DEPDC5: variants seen among roughly 807,000 people sequenced by gnomAD.
The protein encoded by DEPDC5 is DEP domain containing 5, GATOR1 subcomplex subunit, also known as GATOR1 complex protein DEPDC5.
DEPDC5 carries 73 observed loss-of-function variants against 217.3 expected under a neutral mutation model. The ratio of observed to expected loss-of-function variants is 0.34; its 90% CI spans 0.28 to 0.41. DEPDC5 has a LOEUF of 0.41. Among genes scored for constraint, DEPDC5 ranks in the 10% least tolerant of loss-of-function variants. The pLI is 1.00. For missense variants in DEPDC5, 1,675 were observed against 2,070.1 expected (o/e 0.81, Z 3.70); for synonymous variants, 733 against 756.7 (o/e 0.97, Z 0.51).
At chr22:31,901,868 A>C (rs540864458) in intron 41 of DEPDC5, 66 bp downstream of exon 41, 1 of 1,480,658 alleles carries the variant, frequency 6.8e-7, no homozygotes, top group Non-Finnish European at 9.3e-7. Context: ...AGCAGTTACC[A>C]AAGTGAAACT....
chr22:31,848,543 G>C (rs1166874832), intron 31 of DEPDC5, among the ~76,000 whole-genome samples: 1 of 152,140 alleles, frequency 6.6e-6, no homozygotes, highest in Non-Finnish European at 1.5e-5. Context: ...GCCATGGCTG[G>C]AGTGGTTGGG....
At chr22:31,898,479 C>T (rs931435946) in intron 40 of DEPDC5, among the ~76,000 whole-genome samples, 2 of 152,140 alleles carry the variant, frequency 1.3e-5, no homozygotes, top group Non-Finnish European at 2.9e-5. Flanking sequence ...GATGCTGATA[C>T]GTCAGGAGCC....
chr22:31,772,272 A>G (rs9609364), intron 7 of DEPDC5, among the ~76,000 whole-genome samples: 5,534 of 152,208 alleles, frequency 0.036, 115 homozygotes, highest in Non-Finnish European at 0.059. Context: ...GTTCTTTAAA[A>G]CATCCAAGCA....
chr22:31,859,093 T>TG (rs2092415865), intron 32 of DEPDC5: 2 of 136,456 alleles, frequency 1.5e-5, no homozygotes, highest in Admixed American at 7.4e-5. Context: ...TTTTTTTTTT[T>TG]TTTTTTTTTT....
intron 24 of DEPDC5, among the ~76,000 whole-genome samples, chr22:31,824,722 C>G (rs1446254990): frequency 6.6e-6 from 1 of 151,786 alleles, no homozygotes; most frequent in Non-Finnish European, 1.5e-5. Flanking sequence ...AATCCCAGCA[C>G]GTTGGGAGAC....
chr22:31,819,309 C>A, intron 22 of DEPDC5, 84 bp downstream of exon 22: 1 of 1,451,732 alleles, frequency 6.9e-7, no homozygotes, highest in South Asian at 1.2e-5. Context: ...TGTCCTTGGT[C>A]AGGTGCCTCT....
rs149718730 is a variant in DEPDC5 at position 31,782,373 on chromosome 22, G to A, written c.484-1534G>A. Among the ~76,000 whole-genome samples, 156 of 152,244 alleles carry A rather than the reference G, an allele frequency of 1.0e-3. No homozygotes were observed. The East Asian group carries it at 0.025, about 24-fold the overall frequency. On this transcript the variant is annotated intron_variant, in intron 8 of 42. Transcript: ENST00000651528. ...GCTGGTCTCCAGTTCCTGACCTCAG[G>A]TGATCCACCTGCCTCAGCCTCCCAA...
At chr22:31,815,442 CA>C in intron 21 of DEPDC5, 1 of 665,640 alleles carries the variant, frequency 1.5e-6, no homozygotes, top group South Asian at 1.6e-5. Context: ...TGCAGTGATG[CA>C]ATCACAGCTC....
chr22:31,772,965 A>G (rs1349641479), intron 7 of DEPDC5, among the ~76,000 whole-genome samples: 1 of 151,656 alleles, frequency 6.6e-6, no homozygotes, highest in Non-Finnish European at 1.5e-5. Context: ...TTTTTTTAGT[A>G]GACACGGGGT....
At chr22:31,796,906 A>G (rs1340037148) in intron 12 of DEPDC5, among the ~76,000 whole-genome samples, 2 of 151,786 alleles carry the variant, frequency 1.3e-5, no homozygotes, top group Non-Finnish European at 2.9e-5. Flanking sequence ...CGTGTTGGCC[A>G]GGCTGGTCTT....
chr22:31,839,131 T>G (rs189744476), intron 27 of DEPDC5, among the ~76,000 whole-genome samples: 13 of 152,194 alleles, frequency 8.5e-5, no homozygotes. Flanking sequence ...GGCAGCTGAG[T>G]CACTACTGAG....
intron 12 of DEPDC5, among the ~76,000 whole-genome samples, chr22:31,794,079 A>G (rs1177090923): frequency 6.6e-6 from 1 of 152,160 alleles, no homozygotes; most frequent in Non-Finnish European, 1.5e-5. Context: ...AGTCCACACA[A>G]TATTAAGTGG....
chr22:31,797,505 A>G lies in DEPDC5; in HGVS notation c.768-95A>G. 7.1e-6 allele frequency: 7 copies of G among 987,602 alleles called. 2 individuals are homozygous for G. In the South Asian group the frequency reaches 9.5e-5, roughly 13 times the overall value. The allele number at this position is 987,602 out of a possible 1,614,324, so 61.2% of individuals were successfully genotyped here. A position where few individuals can be genotyped will look rare whatever the true frequency, so the allele number is the denominator to read the frequency against. The stretch of plus-strand genomic sequence containing the variant: ...TCCCACCAGGTTCCTCCCTCGACAC[A>G]TGGGTATTACAATTTGAGATGAAAT... On this transcript the variant is annotated intron_variant, in intron 12 of 42. Coordinates refer to ENST00000651528, the MANE Select transcript of DEPDC5 (RefSeq NM_001242896.3).
chr22:31,824,975 C>CAA (rs1180812774), intron 24 of DEPDC5, among the ~76,000 whole-genome samples: 16 of 74,960 alleles, frequency 2.1e-4, no homozygotes, highest in African/African-American at 6.3e-4. Context: ...GACTCCGTCT[C>CAA]AAAAAAAAAA....
chr22:31,755,016 G>A, intron 2 of DEPDC5, 37 bp downstream of exon 2: 1 of 1,613,510 alleles, frequency 6.2e-7, no homozygotes, highest in Non-Finnish European at 8.5e-7. Context: ...TTTGTAAGTT[G>A]GCTGAGGTTC....
In DEPDC5 at chr22:31,892,715, C is replaced by G. The variant is rs373197748; in HGVS notation, c.4034-867C>G. Among the ~76,000 whole-genome samples, 63 of 152,016 alleles carry G rather than the reference C, an allele frequency of 4.1e-4. 2 individuals are homozygous for G. The South Asian group carries it at 0.012, about 28-fold the overall frequency. The stretch of plus-strand genomic sequence containing the variant: ...AGAAAGAAAGAAAATTACTATGCAT[C>G]CTTTGACCTCCACCCCCACAACCTG... On this transcript the variant is annotated intron_variant, in intron 38 of 42. Coordinates refer to ENST00000651528, the MANE Select transcript of DEPDC5 (RefSeq NM_001242896.3).
In DEPDC5 at chr22:31,907,811, C is replaced by T. The variant is rs375177605; in HGVS notation, c.*1314C>T. The T allele has an allele frequency of 6.6e-6, 1 of 152,340 alleles. No homozygotes were observed. The highest frequency in any genetic ancestry group is 1.5e-5 in the Non-Finnish European group (1 of 68,128). The allele number at this position is 152,340 out of a possible 1,614,324, so 9.4% of individuals were successfully genotyped here. A position where few individuals can be genotyped will look rare whatever the true frequency, so the allele number is the denominator to read the frequency against. On this transcript the variant is annotated 3_prime_UTR_variant, in exon 43 of 43. Coordinates refer to ENST00000651528, the MANE Select transcript of DEPDC5 (RefSeq NM_001242896.3). ...GAGAATCCGACAGTGACTGCCACTT[C>T]TTGCTGTGCCATCTCACCACGTGGA...
chr22:31,811,923 C>T (rs1281831018), intron 20 of DEPDC5, among the ~76,000 whole-genome samples: 4 of 152,164 alleles, frequency 2.6e-5, no homozygotes, highest in Admixed American at 2.0e-4. Flanking sequence ...AAAGCACTCT[C>T]TACCCCAGAG....
intron 14 of DEPDC5, among the ~76,000 whole-genome samples, 192 bp from the exon 15 acceptor site, chr22:31,802,512 G>T (rs374035068): frequency 6.6e-6 from 1 of 152,086 alleles, no homozygotes; most frequent in African/African-American, 2.4e-5. Context: ...AGGTGACAGC[G>T]ACTTATTCCT....
Sources: gnomAD v4.1 joint callset for allele counts (sites outside exome capture counted in the v4.1 genomes callset) on GRCh38, gnomAD v4.1.1 for gene constraint, MANE v1.5 for transcripts, NCBI Gene and HGNC (gene_info 2026-07-23, HGNC 2026-07-21) for gene names.